Variants in DOCK2 observed in about 807,000 individuals in gnomAD.
DOCK2 encodes dedicator of cytokinesis 2.
A neutral mutation model predicts 248.9 loss-of-function variants in DOCK2; 87 were observed. The ratio of observed to expected loss-of-function variants is 0.35; its 90% CI spans 0.29 to 0.42. DOCK2 has a LOEUF of 0.42. Among genes scored for constraint, DOCK2 ranks in the 10% least tolerant of loss-of-function variants. The probability of loss-of-function intolerance (pLI) is 1.00; values close to 1 mark genes in which losing one functional copy is unlikely to be tolerated. For synonymous variants in DOCK2, 805 were observed against 821.6 expected (o/e 0.98, Z 0.35); for missense variants, 1,747 against 2,300.2 (o/e 0.76, Z 4.92).
intron 26 of DOCK2, among the ~76,000 whole-genome samples, chr5:169,839,108 T>C (rs765125908): frequency 6.6e-6 from 1 of 152,296 alleles, no homozygotes; most frequent in South Asian, 2.1e-4. Flanking sequence ...CCACTATCGA[T>C]TTAGCACTTT....
At chr5:169,835,131 ATAT>A (rs1769480606) in intron 26 of DOCK2, among the ~76,000 whole-genome samples, 1 of 152,170 alleles carries the variant, frequency 6.6e-6, no homozygotes, top group African/African-American at 2.4e-5. Flanking sequence ...TGGCATTTGC[ATAT>A]TCAAAATATT....
intron 49 of DOCK2, chr5:170,079,490 G>T (rs529390057): frequency 2.1e-4 from 55 of 264,808 alleles, no homozygotes; most frequent in Non-Finnish European, 3.0e-4. Flanking sequence ...ACTGAGCTAG[G>T]TGTTTCTATA....
At chr5:169,903,311 TAAAA>T (rs142632030) in intron 27 of DOCK2, among the ~76,000 whole-genome samples, 1 of 111,082 alleles carries the variant, frequency 9.0e-6, no homozygotes, top group Non-Finnish European at 1.8e-5. Flanking sequence ...ACAACAACAA[TAAAA>T]AAAAAAAAAA....
At chr5:169,960,609 C>A (rs1230145003) in intron 27 of DOCK2, among the ~76,000 whole-genome samples, 1 of 152,162 alleles carries the variant, frequency 6.6e-6, no homozygotes, top group Non-Finnish European at 1.5e-5. Context: ...GAGGGCCAGC[C>A]ATTTGACTCA....
intron 14 of DOCK2, among the ~76,000 whole-genome samples, chr5:169,707,641 C>T (rs540969283): frequency 8.8e-4 from 134 of 152,294 alleles, no homozygotes; most frequent in Middle Eastern, 3.4e-3. Flanking sequence ...GCCTCCTCCC[C>T]GGAACCCCCT....
intron 26 of DOCK2, among the ~76,000 whole-genome samples, chr5:169,811,578 C>A (rs1379967820): frequency 6.6e-6 from 1 of 152,196 alleles, no homozygotes; most frequent in African/African-American, 2.4e-5. Flanking sequence ...TTTCCTCTGG[C>A]TTCCGTGGAG....
rs538906833 is a variant in DOCK2 at position 169,649,064 on chromosome 5, G to A, written c.44-5339G>A. Among the ~76,000 whole-genome samples, 29 of 152,352 alleles carry A rather than the reference G, an allele frequency of 1.9e-4. No individual in the cohort carries two copies. In the South Asian group the frequency reaches 3.1e-3, roughly 16 times the overall value. On this transcript the variant is annotated intron_variant, in intron 1 of 51. Coordinates refer to ENST00000520908, the MANE Select transcript of DOCK2 (RefSeq NM_004946.3). ...CAGAGACTTCAGGCACACTGCTTAC[G>A]CATTTCGATGAGCGCATTTCACTTG...
intron 8 of DOCK2, among the ~76,000 whole-genome samples, 168 bp from the exon 9 acceptor site, chr5:169,689,084 C>A (rs1350186551): frequency 2.0e-5 from 3 of 151,992 alleles, no homozygotes; most frequent in Admixed American, 6.6e-5. Context: ...GTCTGTCTCC[C>A]AACACAACTG....
intron 25 of DOCK2, among the ~76,000 whole-genome samples, chr5:169,791,607 T>C (rs923536642): frequency 2.6e-5 from 4 of 152,116 alleles, no homozygotes; most frequent in African/African-American, 9.7e-5. Flanking sequence ...TAGAAATTGG[T>C]AATAATTGCC....
chr5:170,048,360 C>T (rs1034977379), intron 40 of DOCK2, among the ~76,000 whole-genome samples: 4 of 152,014 alleles, frequency 2.6e-5, no homozygotes, highest in Non-Finnish European at 5.9e-5. Flanking sequence ...CACTGCACTC[C>T]ATCCAGCCTG....
At chr5:170,079,555 C>G (rs761971656) in intron 49 of DOCK2, 1 of 186,054 alleles carries the variant, frequency 5.4e-6, no homozygotes, top group African/African-American at 2.3e-5. Flanking sequence ...CTGCAAGCCC[C>G]TCCTGTGTGC....
intron 22 of DOCK2, among the ~76,000 whole-genome samples, chr5:169,729,061 C>G (rs1487262507): frequency 6.6e-6 from 1 of 152,186 alleles, no homozygotes; most frequent in African/African-American, 2.4e-5. Flanking sequence ...CTATTTCTGT[C>G]AAATGCTGAG....
intron 17 of DOCK2, 70 bp from the exon 18 acceptor site, chr5:169,713,958 C>T: frequency 6.8e-7 from 1 of 1,477,776 alleles, no homozygotes; most frequent in Non-Finnish European, 9.0e-7. Context: ...TCTAATTTGT[C>T]TGCTGCAGGC....
intron 2 of DOCK2, among the ~76,000 whole-genome samples, chr5:169,665,291 T>G (rs1412037660): frequency 2.3e-5 from 3 of 128,002 alleles, no homozygotes; most frequent in African/African-American, 8.8e-5. Flanking sequence ...TATATAAGTA[T>G]CAGCATATCT....
intron 41 of DOCK2, among the ~76,000 whole-genome samples, chr5:170,051,823 T>C (rs1756927553): frequency 6.6e-6 from 1 of 151,978 alleles, no homozygotes; most frequent in Non-Finnish European, 1.5e-5. Context: ...AGAAAAGAGA[T>C]AAATAAATAG....
chr5:169,755,833 C>T (rs192756154), intron 23 of DOCK2, among the ~76,000 whole-genome samples: 3 of 152,290 alleles, frequency 2.0e-5, no homozygotes, highest in Admixed American at 6.5e-5. Context: ...TGGAGTCTCC[C>T]ATAGGTCTTA....
At chr5:170,050,457 AG>A in intron 41 of DOCK2, 60 bp downstream of exon 41, 1 of 1,546,176 alleles carries the variant, frequency 6.5e-7, no homozygotes, top group African/African-American at 1.4e-5. Context: ...CCAGGGCTGC[AG>A]CCCACAAAGA....
intron 32 of DOCK2, among the ~76,000 whole-genome samples, chr5:170,017,901 G>A (rs192998425): frequency 1.3e-5 from 2 of 151,822 alleles, no homozygotes; most frequent in South Asian, 4.1e-4. Flanking sequence ...CAACAGCTGG[G>A]TATCACTTTT....
At chr5:169,694,867 C>T (rs1581047906) in intron 9 of DOCK2, among the ~76,000 whole-genome samples, 1 of 151,786 alleles carries the variant, frequency 6.6e-6, no homozygotes, top group Non-Finnish European at 1.5e-5. Flanking sequence ...CCCAGCTACT[C>T]AAGAGGCTGA....
Sources: allele counts gnomAD v4.1 joint callset (sites outside exome capture counted in the v4.1 genomes callset), GRCh38; gene constraint gnomAD v4.1.1; transcripts MANE v1.5; gene names NCBI Gene and HGNC (gene_info 2026-07-23, HGNC 2026-07-21).